The following HDAC9 variants were observed in gnomAD, a reference collection of about 807,000 sequenced individuals.
HDAC9 encodes MEF-2 interacting transcription repressor (MITR) protein.
In HDAC9, 41 loss-of-function variants were observed where a neutral mutation model predicts 139.4. That is an observed-to-expected ratio of 0.29 (90% confidence interval 0.23 to 0.38). The LOEUF is 0.38. Among genes scored for constraint, HDAC9 ranks in the 10% least tolerant of loss-of-function variants. HDAC9 has a pLI of 1.00. For missense variants in HDAC9, 1,147 were observed against 1,297.0 expected (o/e 0.88, Z 1.78); for synonymous variants, 517 against 476.2 (o/e 1.09, Z -1.12).
At chr7:18,892,228 C>T (rs1585240029) in intron 22 of HDAC9, 1 of 152,292 alleles carries the variant, frequency 6.6e-6, no homozygotes, top group East Asian at 1.9e-4. Flanking sequence ...TTTGGACCAA[C>T]TCATACAATG....
intron 1 of HDAC9, among the ~76,000 whole-genome samples, chr7:18,445,167 A>G (rs1358319059): frequency 6.6e-6 from 1 of 152,184 alleles, no homozygotes; most frequent in African/African-American, 2.4e-5. Context: ...TTAAGACAAT[A>G]GTCATATCAT....
chr7:18,974,557 A>C (rs1202489190), intron 24 of HDAC9, among the ~76,000 whole-genome samples: 1 of 152,182 alleles, frequency 6.6e-6, no homozygotes, highest in African/African-American at 2.4e-5. Flanking sequence ...GTTTGGTTCA[A>C]ATTAAAAACT....
At chr7:18,603,339 G>C (rs984843028) in intron 6 of HDAC9, among the ~76,000 whole-genome samples, 1 of 151,798 alleles carries the variant, frequency 6.6e-6, no homozygotes, top group East Asian at 1.9e-4. Context: ...GTTTGTAACT[G>C]TTTTCTTCAT....
At chr7:18,876,311 CT>C (rs1342985980) in intron 22 of HDAC9, among the ~76,000 whole-genome samples, 2 of 152,096 alleles carry the variant, frequency 1.3e-5, no homozygotes, top group African/African-American at 4.8e-5. Flanking sequence ...TCTAGAATGC[CT>C]CCAACTCCCC....
At chr7:18,884,745 T>C (rs1263643995) in intron 22 of HDAC9, among the ~76,000 whole-genome samples, 1 of 152,180 alleles carries the variant, frequency 6.6e-6, no homozygotes, top group Non-Finnish European at 1.5e-5. Flanking sequence ...TCTTCTTTAG[T>C]ATGTAGCACT....
Position 18,998,700 on chromosome 7 carries a change from T to C in HDAC9, c.*2638T>C, listed in dbSNP as rs999732491. On this transcript the variant is annotated 3_prime_UTR_variant, in exon 26 of 26. Transcript: ENST00000686413. ...CCCGTTTAAATTTTATTGCTCGCAG[T>C]TGTTCTGAATGAGAGGCTAGAAGAG... 5.9e-5 allele frequency: 9 copies of C among 152,354 alleles called. No homozygotes were observed. Among genetic ancestry groups the C allele is most frequent in the African/African-American group, 2.2e-4 (9 of 41,584 alleles). 9.4% of individuals were successfully genotyped at this position (152,354 alleles called of 1,614,324 possible).
At chr7:18,610,362 T>C (rs940842550) in intron 6 of HDAC9, among the ~76,000 whole-genome samples, 3 of 152,202 alleles carry the variant, frequency 2.0e-5, no homozygotes, top group Non-Finnish European at 2.9e-5. Flanking sequence ...TTGCCTCTTC[T>C]GGGTTTTATG....
intron 22 of HDAC9, among the ~76,000 whole-genome samples, chr7:18,893,047 A>AAAAAAAAAAAAAAAAC (rs1563029385): frequency 6.7e-6 from 1 of 149,774 alleles, no homozygotes; most frequent in Non-Finnish European, 1.5e-5. Context: ...AAAAAAAAAA[A>AAAAAAAAAAAAAAAAC]AAAAAAAGAA....
chr7:18,372,204 G>A lies in HDAC9; in HGVS notation c.-42+81689G>A, dbSNP rs148099654. On this transcript the variant is annotated intron_variant, in intron 1 of 3. Transcript: ENST00000413509. ...TTCCAATGTGCAAGCCAAGTTCAAA[G>A]CCACTGAGCTAGGCAGATTGAACAG... Among the ~76,000 whole-genome samples, 505 of 152,316 alleles carry A rather than the reference G, an allele frequency of 3.3e-3. 5 individuals carry two copies. Among genetic ancestry groups the A allele is most frequent in the Middle Eastern group, 0.024 (7 of 294 alleles).
chr7:18,822,195 CA>C lies in HDAC9; in HGVS notation c.2323-6964del, dbSNP rs1435105359. Among the ~76,000 whole-genome samples the C allele has an allele frequency of 4.6e-5, 7 of 152,284 alleles. 1 individual carries two copies. The highest frequency in any genetic ancestry group is 1.0e-4 in the Non-Finnish European group (7 of 68,022). ...GGTTGGGCTGTGGGGATAAATATTT[CA>C]ATCTTCTAATCATATTGTTGGTTCC... On this transcript the variant is annotated intron_variant, in intron 17 of 25. Coordinates refer to ENST00000686413, the MANE Select transcript of HDAC9 (RefSeq NM_178425.4).
chr7:18,534,808 A>G lies in HDAC9; in HGVS notation c.22+38484A>G, dbSNP rs973519259. Among the ~76,000 whole-genome samples the G allele has an allele frequency of 2.6e-5, 4 of 152,260 alleles. No homozygotes were observed. The East Asian group carries it at 7.7e-4, about 29-fold the overall frequency. On this transcript the variant is annotated intron_variant, in intron 2 of 25. Transcript: ENST00000686413. Reference sequence around the variant, plus strand: ...TCACCTCAGTTTTGTTTGTCCAGGGAATAACTCTTTATTCTTCTAGTGAAA... The same window carrying G: ...TCACCTCAGTTTTGTTTGTCCAGGGGATAACTCTTTATTCTTCTAGTGAAA...
intron 22 of HDAC9, chr7:18,899,538 A>G (rs1801506945): frequency 1.3e-5 from 2 of 152,038 alleles, no homozygotes; most frequent in Admixed American, 6.6e-5. Context: ...AATTTTATAG[A>G]TTCAGAATCT....
At position 18,346,475 on chromosome 7, in the gene HDAC9, AT is replaced by A. The variant is rs552555812; in HGVS notation, c.-42+55966del. Among the ~76,000 whole-genome samples, 6 of 152,124 alleles carry A rather than the reference AT, an allele frequency of 3.9e-5. No homozygotes were observed. The South Asian group carries it at 1.0e-3, about 26-fold the overall frequency. On this transcript the variant is annotated intron_variant, in intron 1 of 3. Transcript: ENST00000413509. ...CACAACCGCTATTAACACAACTTGCATTTTTTCCTTTCATTTATGTTGAACT... is the reference window on the plus strand; with the variant it reads ...CACAACCGCTATTAACACAACTTGCATTTTTCCTTTCATTTATGTTGAACT...
At chr7:18,817,739 T>C (rs950976922) in intron 17 of HDAC9, among the ~76,000 whole-genome samples, 1 of 152,224 alleles carries the variant, frequency 6.6e-6, no homozygotes, top group Non-Finnish European at 1.5e-5. Flanking sequence ...CTGGCAAACC[T>C]ATTTTTGACG....
At chr7:18,731,332 A>G (rs1442179142) in intron 13 of HDAC9, among the ~76,000 whole-genome samples, 2 of 152,164 alleles carry the variant, frequency 1.3e-5, no homozygotes, top group East Asian at 1.9e-4. Flanking sequence ...CAGACACATT[A>G]TAAAGCTAGG....
In HDAC9 at chr7:18,103,553, A is replaced by G. The variant is rs1782992390; in HGVS notation, c.-97+16340A>G. 2.0e-5 allele frequency among the ~76,000 whole-genome samples: 3 copies of G among 152,190 alleles called. No individual in the cohort carries two copies. The South Asian group carries it at 6.2e-4, about 32-fold the overall frequency. On this transcript the variant is annotated intron_variant, in intron 1 of 12. Transcript: ENST00000417496. ...CATAGATGATGACTTCTTGAAGCAG[A>G]GTTGCCATAACAGCTTGGAGTCTTG...
chr7:18,218,520 A>G (rs951899034), intron 2 of HDAC9, among the ~76,000 whole-genome samples: 3 of 152,136 alleles, frequency 2.0e-5, no homozygotes, highest in Non-Finnish European at 4.4e-5. Context: ...TGACCCTACT[A>G]ACCAACCGTT....
chr7:18,819,535 C>T (rs1299293790), intron 17 of HDAC9, among the ~76,000 whole-genome samples: 1 of 151,834 alleles, frequency 6.6e-6, no homozygotes, highest in African/African-American at 2.4e-5. Context: ...ATAGACTATG[C>T]CATAGATTTT....
At chr7:18,621,144 T>G (rs1282810270) in intron 6 of HDAC9, among the ~76,000 whole-genome samples, 2 of 151,984 alleles carry the variant, frequency 1.3e-5, no homozygotes, top group Non-Finnish European at 1.5e-5. Flanking sequence ...ATAATAGATT[T>G]TTAAGTGAAA....
Sources: gnomAD v4.1 joint callset for allele counts (sites outside exome capture counted in the v4.1 genomes callset) on GRCh38, gnomAD v4.1.1 for gene constraint, MANE v1.5 for transcripts, NCBI Gene and HGNC (gene_info 2026-07-23, HGNC 2026-07-21) for gene names.